Variants in ASTL observed in about 807,000 individuals in gnomAD.
The protein encoded by ASTL is astacin-like metalloendopeptidase.
Under a neutral mutation model 36.7 loss-of-function variants are expected in ASTL, and 27 were observed. The observed-to-expected ratio is 0.73, with a 90% CI of 0.54 to 1.01. The LOEUF is 1.01. Among genes scored for constraint, ASTL ranks in the 50% least tolerant of loss-of-function variants. The pLI is 0.00. For synonymous variants in ASTL, 222 were observed against 228.1 expected (o/e 0.97, Z 0.24); for missense variants, 524 against 572.8 (o/e 0.91, Z 0.87).
chr2:96,135,536 A>T, intron 2 of ASTL, 124 bp from the exon 3 acceptor site: 1 of 812,670 alleles, frequency 1.2e-6, no homozygotes, highest in Non-Finnish European at 2.0e-6. Flanking sequence ...TGTTACTTTT[A>T]TAAGTTCTTA....
In ASTL at chr2:96,133,976, G is replaced by T. The variant is rs753806992; in HGVS notation, c.326C>A (p.Ser109Tyr). ...CCATGCTCACTCACCGTACTTGCTG[G>T]AGAGCAGGAAGGGGACCTCCACGAC... The part of the protein sequence containing the change: ...SGVVEVPFLL[S>Y]SKYDEPSRQV... The change falls in exon 4 of 9, where the codon TCC (serine) becomes TAC (tyrosine). Residue 109 changes from serine (S) to tyrosine (Y), a missense_variant. Physicochemically the swap from Ser to Tyr is moderately radical, Grantham distance 144. Coordinates refer to ENST00000342380, the MANE Select transcript of ASTL (RefSeq NM_001002036.4). 40 of 1,612,652 alleles carry T rather than the reference G, an allele frequency of 2.5e-5. 1 individual carries two copies. In the South Asian group the frequency reaches 4.3e-4, roughly 17 times the overall value.
chr2:96,130,685 T>A (rs1008018837), intron 6 of ASTL, among the ~76,000 whole-genome samples: 8 of 152,066 alleles, frequency 5.3e-5, no homozygotes, highest in Admixed American at 3.3e-4. Context: ...TCAGAGGGAT[T>A]GCTCCCCCAA....
rs144062488 is a variant in ASTL, at chr2:96,129,860, C to G, written c.838G>C (p.Gly280Arg). The G allele has an allele frequency of 6.3e-7, 1 of 1,592,218 alleles. No homozygotes were observed. Among genetic ancestry groups the G allele is most frequent in the Non-Finnish European group, 8.6e-7 (1 of 1,166,050 alleles). The change falls in exon 8 of 9, where the codon GGC (glycine) becomes CGC (arginine). Residue 280 changes from glycine to arginine, a missense_variant. Transcript: ENST00000342380. ...SDITRVLKLY[G>R]CSPSGPRPRG... Reference sequence around the variant, plus strand: ...GGCCTGGGGCCACTTGGGCTGCAGCCGTAGAGTTTGAGGACCCGGGTGATG... The same window carrying G: ...GGCCTGGGGCCACTTGGGCTGCAGCGGTAGAGTTTGAGGACCCGGGTGATG...
chr2:96,135,314 C>T, intron 3 of ASTL, 37 bp downstream of exon 3: 1 of 1,597,506 alleles, frequency 6.3e-7, no homozygotes, highest in Non-Finnish European at 8.6e-7. Context: ...CAACTGTGGG[C>T]TTATCCGCAC....
chr2:96,129,049 A>G (rs985450596), intron 8 of ASTL, among the ~76,000 whole-genome samples: 11 of 152,286 alleles, frequency 7.2e-5, no homozygotes, highest in Non-Finnish European at 1.0e-4. Context: ...TTAAAAAAAA[A>G]AAAGAAAAAA....
At chr2:96,131,511 G>A (rs139564163) in intron 6 of ASTL, among the ~76,000 whole-genome samples, 283 of 152,136 alleles carry the variant, frequency 1.9e-3, no homozygotes, top group African/African-American at 6.0e-3. Flanking sequence ...ACTGTTCCAC[G>A]AGCATTGGGA....
At chr2:96,127,998 T>C (rs902934786) in intron 8 of ASTL, among the ~76,000 whole-genome samples, 6 of 152,304 alleles carry the variant, frequency 3.9e-5, no homozygotes, top group Admixed American at 2.0e-4. Flanking sequence ...TTTGGGAAGC[T>C]GAGGCAGGGG....
chr2:96,126,492 TAAG>T (rs1357678417), intron 8 of ASTL, among the ~76,000 whole-genome samples: 1 of 152,162 alleles, frequency 6.6e-6, no homozygotes, highest in Non-Finnish European at 1.5e-5. Flanking sequence ...AAATGATAGA[TAAG>T]AAGTGTCAGC....
chr2:96,138,463 A>G lies in ASTL; in HGVS notation c.-27T>C. 6.3e-7 allele frequency: 1 copy of G among 1,598,472 alleles called. No homozygotes were observed. ...GTAGAGCCCTGCTGCCCCTTCAGCAAACAAGACCAAGCCCCAGCAAGACAC... is the reference window on the plus strand; with the variant it reads ...GTAGAGCCCTGCTGCCCCTTCAGCAGACAAGACCAAGCCCCAGCAAGACAC... On this transcript the variant is annotated 5_prime_UTR_variant, in exon 1 of 9. Transcript: ENST00000342380.
chr2:96,133,199 C>T (rs1041694122), intron 5 of ASTL, among the ~76,000 whole-genome samples: 6 of 152,192 alleles, frequency 3.9e-5, no homozygotes, highest in Admixed American at 1.3e-4. Flanking sequence ...CTCATGGAGT[C>T]CCCCGGGAGA....
In ASTL at chr2:96,123,948, A is replaced by G; in HGVS notation, c.1198T>C (p.Ser400Pro). 1.9e-6 allele frequency: 3 copies of G among 1,613,998 alleles called. No homozygotes were observed. The highest frequency in any genetic ancestry group is 2.5e-6 in the Non-Finnish European group (3 of 1,179,978). Residue 400 changes from serine to proline, a missense_variant, in exon 9 of 9, where the codon TCA becomes CCA. Ser to Pro is a moderately conservative substitution (Grantham distance 74, BLOSUM62 -1). Coordinates refer to ENST00000342380, the MANE Select transcript of ASTL (RefSeq NM_001002036.4). ...GGGACTGGCTGGATTCCTGCTTCTGAAGATGGGACTGTGGGCTTGGTGGAC... is the reference window on the plus strand; with the variant it reads ...GGGACTGGCTGGATTCCTGCTTCTGGAGATGGGACTGTGGGCTTGGTGGAC... ...GVSTKPTVPS[S>P]EAGIQPVPVQ...
Position 96,129,832 on chromosome 2 carries a change from CG to C in ASTL, c.865del (p.Arg289ValfsTer63). ...YGCSPSGPRP[R>X]GRGSHAHSTG... is the part of the protein sequence containing the mutation. ...CCTGCCATGCCACTCACCTCTCCCA[CG>C]GGGCCTGGGGCCACTTGGGCTGCAG... On this transcript the variant is annotated frameshift_variant, in exon 8 of 9. Transcript: ENST00000342380. LOFTEE classifies it low-confidence loss of function (END_TRUNC). 1.3e-6 allele frequency: 2 copies of C among 1,551,402 alleles called. No homozygotes were observed. The highest frequency in any genetic ancestry group is 1.2e-5 in the South Asian group (1 of 82,082).
chr2:96,132,633 G>A lies in ASTL; in HGVS notation c.544C>T (p.His182Tyr). The A allele has an allele frequency of 1.9e-6, 3 of 1,613,738 alleles. No individual in the cohort carries two copies. The highest frequency in any genetic ancestry group is 2.5e-6 in the Non-Finnish European group (3 of 1,179,850). ...CLQKGRGIVL[H>Y]ELMHVLGFWH... ...AAGCCCAGCACATGCATGAGCTCAT[G>A]AAGGACAATGCCCCGGCCCTTCTGG... The change falls in exon 6 of 9, where the codon CAT becomes TAT. Residue 182 changes from histidine (H) to tyrosine (Y), a missense_variant. By Grantham distance (83) the His-to-Tyr change is moderately conservative. Coordinates refer to ENST00000342380, the MANE Select transcript of ASTL (RefSeq NM_001002036.4). The surrounding 1 kb of genome is among the most constrained non-coding windows in gnomAD (Gnocchi z 5.4).
chr2:96,130,061 C>T lies in ASTL; in HGVS notation c.719+3G>A, dbSNP rs1682142485. 2 of 1,613,964 alleles carry T rather than the reference C, an allele frequency of 1.2e-6. No homozygotes were observed. The highest frequency in any genetic ancestry group is 1.7e-4 in the Middle Eastern group (1 of 6,056). On this transcript the variant is annotated splice_donor_region_variant and intron_variant, in intron 7 of 8. Transcript: ENST00000342380. ...CAGAGGGAGAAGAAGGCAGGGTCCT[C>T]ACCTCCCATAGTGCATCACAGAGGA...
Position 96,124,353 on chromosome 2 carries a change from A to G in ASTL, c.875-82T>C. On this transcript the variant is annotated intron_variant, in intron 8 of 8. Transcript: ENST00000342380. The surrounding 1 kb of genome is among the most constrained non-coding windows in gnomAD (Gnocchi z 4.1). ...AGCTGTGCGGACCCAGAGCTGGCTC[A>G]GCTCACAGGAGTGGTGCCCACCCAT... The G allele has an allele frequency of 7.7e-7, 1 of 1,300,992 alleles. No homozygotes were observed. Among genetic ancestry groups the G allele is most frequent in the Non-Finnish European group, 1.0e-6 (1 of 986,842 alleles). The allele number at this position is 1,300,992 out of a possible 1,614,324, so 80.6% of individuals were successfully genotyped here.
intron 8 of ASTL, among the ~76,000 whole-genome samples, chr2:96,129,108 T>C (rs1682118361): frequency 6.6e-6 from 1 of 152,288 alleles, no homozygotes; most frequent in East Asian, 1.9e-4. Context: ...AATTTATAGA[T>C]TAATTTGGGA....
Position 96,132,684 on chromosome 2 carries a change from C to T in ASTL, c.493G>A (p.Val165Met), listed in dbSNP as rs1558716363. The change falls in exon 6 of 9, where the codon GTG (valine) becomes ATG (methionine). Residue 165 changes from valine (V) to methionine (M), a missense_variant. Physicochemically the swap from Val to Met is conservative, Grantham distance 21. Coordinates refer to ENST00000342380, the MANE Select transcript of ASTL (RefSeq NM_001002036.4). This position sits in a 1 kb window ranked among gnomAD's most constrained non-coding sequence, Gnocchi z 5.4. ...AGACACGTGGGCGCCAGGGAGACCA[C>T]CTGCATCCCTCCACTGCGCCCCACA... The part of the protein sequence containing the change: ...SSVGRSGGMQ[V>M]VSLAPTCLQK... 6.2e-7 allele frequency: 1 copy of T among 1,612,966 alleles called. No individual in the cohort carries two copies.
Position 96,132,657 on chromosome 2 carries a change from G to A in ASTL, c.520C>T (p.Gln174Ter). 1 of 1,613,480 alleles carries A rather than the reference G, an allele frequency of 6.2e-7. No homozygotes were observed. The highest frequency in any genetic ancestry group is 8.5e-7 in the Non-Finnish European group (1 of 1,179,710). Reference protein sequence around the residue: ...QVVSLAPTCLQKGRGIVLHEL... With the variant: ...QVVSLAPTCL ...TGAAGGACAATGCCCCGGCCCTTCTGGAGACACGTGGGCGCCAGGGAGACC... is the reference window on the plus strand; with the variant it reads ...TGAAGGACAATGCCCCGGCCCTTCTAGAGACACGTGGGCGCCAGGGAGACC... Residue 174 changes from glutamine to a stop codon, truncating the protein, a stop_gained, in exon 6 of 9, where the codon CAG becomes TAG. Coordinates refer to ENST00000342380, the MANE Select transcript of ASTL (RefSeq NM_001002036.4). LOFTEE classifies it high-confidence loss of function. This position sits in a 1 kb window ranked among gnomAD's most constrained non-coding sequence, Gnocchi z 5.4.
intron 2 of ASTL, among the ~76,000 whole-genome samples, chr2:96,135,820 T>C (rs2104777309): frequency 6.6e-6 from 1 of 152,230 alleles, no homozygotes; most frequent in South Asian, 2.1e-4. Flanking sequence ...AGCCTTCCCC[T>C]GCTCAAACAC....
Sources: gnomAD v4.1 joint callset for allele counts (sites outside exome capture counted in the v4.1 genomes callset) on GRCh38, gnomAD v4.1.1 for gene constraint, Gnocchi (gnomAD v3.1) non-coding constraint, MANE v1.5 for transcripts, NCBI Gene and HGNC (gene_info 2026-07-23, HGNC 2026-07-21) for gene names.